MYOF: variants seen among roughly 807,000 people sequenced by gnomAD.
MYOF encodes the protein myoferlin.
Under a neutral mutation model 284.2 loss-of-function variants are expected in MYOF, and 244 were observed. The observed-to-expected ratio is 0.86, with a 90% CI of 0.77 to 0.95. The LOEUF is 0.95. MYOF is among the 40% of genes least tolerant of loss of function. The probability of loss-of-function intolerance (pLI) is 0.00; values close to 1 mark genes in which losing one functional copy is unlikely to be tolerated. For missense variants in MYOF, 2,496 were observed against 2,560.6 expected (o/e 0.97, Z 0.54); for synonymous variants, 904 against 919.7 (o/e 0.98, Z 0.31).
chr10:93,414,035 C>T (rs370595716), intron 5 of MYOF, among the ~76,000 whole-genome samples: 51 of 152,152 alleles, frequency 3.4e-4, no homozygotes, highest in Middle Eastern at 3.4e-3. Flanking sequence ...ATGTATTCCC[C>T]GACAGTTCCA....
intron 21 of MYOF, among the ~76,000 whole-genome samples, chr10:93,379,376 C>G (rs1846007411): frequency 6.6e-6 from 1 of 152,184 alleles, no homozygotes; most frequent in Non-Finnish European, 1.5e-5. Context: ...CTCCCCTCTT[C>G]CAAAGTAAGA....
chr10:93,320,795 A>G (rs1229131203), intron 48 of MYOF, among the ~76,000 whole-genome samples: 2 of 152,276 alleles, frequency 1.3e-5, no homozygotes, highest in East Asian at 1.9e-4. Context: ...TAGAGAGCGC[A>G]TGGTTTTCTC....
At position 93,323,240 on chromosome 10, in the gene MYOF, T is replaced by A. The variant is rs753419849; in HGVS notation, c.5360+30A>T. 2.5e-6 allele frequency: 4 copies of A among 1,613,726 alleles called. 1 individual carries two copies. The highest frequency in any genetic ancestry group is 2.2e-5 in the South Asian group (2 of 91,078). On this transcript the variant is annotated intron_variant, in intron 47 of 53. Coordinates refer to ENST00000359263, the MANE Select transcript of MYOF (RefSeq NM_013451.4). ...TGGACCAAGTCCCCAGCCCAGTGTA[T>A]GTATCAGGGTCTCAGGATGACTGAC...
At chr10:93,365,404 AC>A (rs1232798931) in intron 26 of MYOF, among the ~76,000 whole-genome samples, 1 of 152,162 alleles carries the variant, frequency 6.6e-6, no homozygotes, top group Non-Finnish European at 1.5e-5. Flanking sequence ...ACCACCTTCT[AC>A]TGTTTATTTT....
rs570355843 is a variant in MYOF at position 93,482,268 on chromosome 10, G to T, written c.-74C>A. 8.7e-5 allele frequency: 111 copies of T among 1,271,526 alleles called. No individual in the cohort carries two copies. The highest frequency in any genetic ancestry group is 3.0e-4 in the African/African-American group (20 of 66,778). The allele number at this position is 1,271,526 out of a possible 1,614,324, so 78.8% of individuals were successfully genotyped here. A position where few individuals can be genotyped will look rare whatever the true frequency, so the allele number is the denominator to read the frequency against. On this transcript the variant is annotated 5_prime_UTR_variant, in exon 1 of 54. Coordinates refer to ENST00000359263, the MANE Select transcript of MYOF (RefSeq NM_013451.4). ...GGGCGCTGGAGCTCCGGGTCGCACC[G>T]CCCTGGGAGAGAAGTTCTCTCCCAG... is the stretch of plus-strand genomic sequence containing the variant.
chr10:93,392,931 G>T lies in MYOF; in HGVS notation c.1442C>A (p.Ala481Asp). 1.2e-6 allele frequency: 2 copies of T among 1,612,302 alleles called. No homozygotes were observed. The highest frequency in any genetic ancestry group is 2.7e-5 in the African/African-American group (2 of 74,998). Residue 481 changes from alanine (A) to aspartate (D), a missense_variant, in exon 17 of 54, where the codon GCT (alanine) becomes GAT (aspartate). By Grantham distance (126) the Ala-to-Asp change is moderately radical (BLOSUM62 -2). Around this residue, in one of 3 missense-constraint regions of MYOF, gnomAD observed 2,436 missense variants for 2,480.7 expected, o/e 0.98. Transcript: ENST00000359263. ...GAAGCATAAACCTGTATATGATGCA[G>T]CCCCAGTTCCCGAAGATGAGAAATC... ...VEDFSSSGTG[A>D]ASYTVNTGET...
At chr10:93,330,004 C>A (rs1339893648) in intron 43 of MYOF, among the ~76,000 whole-genome samples, 170 bp from the exon 44 acceptor site, 1 of 152,092 alleles carries the variant, frequency 6.6e-6, no homozygotes, top group East Asian at 1.9e-4. Context: ...ATAGTACATA[C>A]TAGAAATAAG....
At chr10:93,471,762 T>C (rs1008463043) in intron 1 of MYOF, among the ~76,000 whole-genome samples, 2 of 151,752 alleles carry the variant, frequency 1.3e-5, no homozygotes, top group African/African-American at 2.4e-5. Flanking sequence ...TGTGGCATGC[T>C]CCTGTAATCC....
At chr10:93,470,999 A>C (rs1248213560) in intron 1 of MYOF, among the ~76,000 whole-genome samples, 1 of 152,200 alleles carries the variant, frequency 6.6e-6, no homozygotes, top group African/African-American at 2.4e-5. Context: ...AGAAAGAGAG[A>C]GAAGGGCAAG....
intron 5 of MYOF, among the ~76,000 whole-genome samples, chr10:93,413,051 G>C (rs1266727368): frequency 1.3e-5 from 2 of 152,124 alleles, no homozygotes; most frequent in Non-Finnish European, 2.9e-5. Flanking sequence ...TTTTAGGCTG[G>C]TGATTTGTAC....
chr10:93,467,638 G>T (rs2057042202), intron 1 of MYOF, among the ~76,000 whole-genome samples: 1 of 151,976 alleles, frequency 6.6e-6, no homozygotes, highest in Non-Finnish European at 1.5e-5. Context: ...ATACCCAAAG[G>T]ATTATAAATC....
intron 24 of MYOF, among the ~76,000 whole-genome samples, chr10:93,372,113 T>C (rs1845619844): frequency 2.0e-5 from 3 of 152,252 alleles, no homozygotes; most frequent in African/African-American, 7.2e-5. Context: ...AGAATCTCCT[T>C]GTTTGAAGAG....
intron 45 of MYOF, among the ~76,000 whole-genome samples, chr10:93,327,396 G>A (rs892732290): frequency 1.3e-5 from 2 of 152,134 alleles, no homozygotes; most frequent in African/African-American, 2.4e-5. Context: ...GATCCGGTAA[G>A]TGGGAGCATT....
intron 12 of MYOF, among the ~76,000 whole-genome samples, chr10:93,400,417 T>C (rs1020917181): frequency 1.3e-5 from 2 of 151,508 alleles, no homozygotes; most frequent in African/African-American, 4.8e-5. Context: ...GCTCCTACCT[T>C]GGCCTTCCAA....
At chr10:93,356,619 A>G in intron 30 of MYOF, 56 bp downstream of exon 30, 1 of 1,548,710 alleles carries the variant, frequency 6.5e-7, no homozygotes, top group Admixed American at 1.9e-5. Flanking sequence ...TGTATCCAAC[A>G]CTCATATATT....
intron 1 of MYOF, among the ~76,000 whole-genome samples, chr10:93,478,860 G>GAAAGAAAGAAAGAAAGAAAGA (rs1421937106): frequency 6.9e-6 from 1 of 145,946 alleles, no homozygotes; most frequent in Non-Finnish European, 1.5e-5. Flanking sequence ...AAGAAAGAAA[G>GAAAGAAAGAAAGAAAGAAAGA]GGTTTGAACA....
At chr10:93,425,444 T>G (rs1848546916) in intron 5 of MYOF, among the ~76,000 whole-genome samples, 1 of 152,030 alleles carries the variant, frequency 6.6e-6, no homozygotes, top group Non-Finnish European at 1.5e-5. Context: ...TTGTAGGCCC[T>G]CCCTCCCTGA....
At chr10:93,428,196 AT>A (rs34975275) in intron 4 of MYOF, among the ~76,000 whole-genome samples, 83,748 of 127,250 alleles carry the variant, frequency 0.66, 27,622 homozygotes, top group Non-Finnish European at 0.73. Flanking sequence ...TTTTATGTGA[AT>A]TTTTTTTTTT....
rs978495049 is a variant in MYOF at position 93,425,941 on chromosome 10, G to A, written c.433+130C>T. On this transcript the variant is annotated intron_variant, in intron 5 of 53. Transcript: ENST00000359263. ...ATTCAGGCAGCCCCACCTGCCTCTC[G>A]GGGCCCCTGTCTGGGTGGGCAGGGA... 6.3e-5 allele frequency: 57 copies of A among 902,058 alleles called. No individual in the cohort carries two copies. In the African/African-American group the frequency reaches 7.8e-4, roughly 12 times the overall value. The allele number at this position is 902,058 out of a possible 1,614,324, so 55.9% of individuals were successfully genotyped here.
Sources: allele counts gnomAD v4.1 joint callset (sites outside exome capture counted in the v4.1 genomes callset), GRCh38; gene constraint gnomAD v4.1.1; regional missense constraint gnomAD v4.1.1; transcripts MANE v1.5; gene names NCBI Gene and HGNC (gene_info 2026-07-23, HGNC 2026-07-21).